VPS35L: variants seen among roughly 807,000 people sequenced by gnomAD.
VPS35L encodes the protein VPS35 endosomal protein-sorting factor-like.
In VPS35L, 83 loss-of-function variants were observed where a neutral mutation model predicts 133.0. That is an observed-to-expected ratio of 0.62 (90% CI 0.52 to 0.75). The LOEUF is 0.75. VPS35L is among the 30% of genes least tolerant of loss of function. The pLI is 0.00. For synonymous variants in VPS35L, 423 were observed against 449.9 expected (o/e 0.94, Z 0.76); for missense variants, 1,083 against 1,206.8 (o/e 0.90, Z 1.52).
At chr16:19,608,590 G>A (rs1302775540) in intron 10 of VPS35L, 1 of 387,456 alleles carries the variant, frequency 2.6e-6, no homozygotes, top group Non-Finnish European at 4.6e-6. Flanking sequence ...CCAAGAACTT[G>A]AAAGAACAGG....
At chr16:19,627,917 A>G in intron 16 of VPS35L, 112 bp downstream of exon 16, 2 of 830,186 alleles carry the variant, frequency 2.4e-6, no homozygotes, top group Non-Finnish European at 4.0e-6. Context: ...AACACAGGCG[A>G]AGGCTCTGTT....
At chr16:19,652,181 G>A (rs1315060379) in intron 26 of VPS35L, 91 bp downstream of exon 26, 7 of 947,564 alleles carry the variant, frequency 7.4e-6, no homozygotes, top group Non-Finnish European at 1.2e-5. Flanking sequence ...GAGAGACAAA[G>A]ATTTCTTTTT....
Position 19,652,095 on chromosome 16 carries a change from G to C in VPS35L, c.2221+5G>C. The C allele has an allele frequency of 6.4e-7, 1 of 1,556,832 alleles. No individual in the cohort carries two copies. Among genetic ancestry groups the C allele is most frequent in the Non-Finnish European group, 8.8e-7 (1 of 1,134,836 alleles). On this transcript the variant is annotated splice_donor_5th_base_variant and intron_variant, in intron 26 of 30. Coordinates refer to ENST00000417362, the MANE Select transcript of VPS35L (RefSeq NM_020314.7). ...CCAACCAGTGCCTCTCCCAAGGTAA[G>C]TCCATCATTCTCTCATCTCGGGCAC...
At chr16:19,578,523 AG>A (rs1184928098) in intron 5 of VPS35L, among the ~76,000 whole-genome samples, 2 of 152,210 alleles carry the variant, frequency 1.3e-5, no homozygotes, top group Non-Finnish European at 2.9e-5. Flanking sequence ...TCCCTCCACC[AG>A]TCCCTGCTGA....
chr16:19,693,424 T>G (rs1975773035), intron 29 of VPS35L, among the ~76,000 whole-genome samples: 1 of 152,072 alleles, frequency 6.6e-6, no homozygotes, highest in African/African-American at 2.4e-5. Context: ...GAGGATTAGT[T>G]GAGCCTAGGA....
intron 2 of VPS35L, among the ~76,000 whole-genome samples, 160 bp downstream of exon 2, chr16:19,565,110 G>A (rs1309609222): frequency 6.6e-6 from 1 of 151,270 alleles, no homozygotes; most frequent in Non-Finnish European, 1.5e-5. Flanking sequence ...CTGGAGTGCA[G>A]TGGTGGCTCA....
intron 14 of VPS35L, among the ~76,000 whole-genome samples, chr16:19,619,336 A>G (rs1405284218): frequency 6.6e-6 from 1 of 152,160 alleles, no homozygotes; most frequent in African/African-American, 2.4e-5. Flanking sequence ...CTTGTACTTC[A>G]GGTGAATAGT....
At chr16:19,635,311 G>A (rs1567443047) in intron 19 of VPS35L, among the ~76,000 whole-genome samples, 1 of 152,080 alleles carries the variant, frequency 6.6e-6, no homozygotes, top group Non-Finnish European at 1.5e-5. Context: ...TAGCACCACT[G>A]CACTCCAACC....
chr16:19,645,065 TAAAATG>T, intron 23 of VPS35L, 116 bp downstream of exon 23: 1 of 620,614 alleles, frequency 1.6e-6, no homozygotes. Context: ...CTTAGTGAGA[TAAAATG>T]AAATTAGAAA....
chr16:19,609,270 A>G (rs1028485924), intron 11 of VPS35L, among the ~76,000 whole-genome samples: 1 of 152,244 alleles, frequency 6.6e-6, no homozygotes, highest in African/African-American at 2.4e-5. Flanking sequence ...ATGGAAGATC[A>G]GCTCAACTGG....
chr16:19,575,294 A>G (rs1804134527), intron 5 of VPS35L, among the ~76,000 whole-genome samples, 172 bp downstream of exon 5: 1 of 152,210 alleles, frequency 6.6e-6, no homozygotes. Context: ...TAGAGCATGA[A>G]TTAAAAAAAT....
intron 27 of VPS35L, among the ~76,000 whole-genome samples, chr16:19,674,696 C>T (rs1009359728): frequency 6.6e-6 from 1 of 152,028 alleles, no homozygotes; most frequent in African/African-American, 2.4e-5. Context: ...TGAAACTGTC[C>T]ATTGGTTAGT....
chr16:19,568,436 C>T (rs548795872), intron 2 of VPS35L, among the ~76,000 whole-genome samples: 8 of 150,098 alleles, frequency 5.3e-5, no homozygotes, highest in Middle Eastern at 3.5e-3. Flanking sequence ...GGCATCGTTG[C>T]ATAGGCATGA....
intron 1 of VPS35L, among the ~76,000 whole-genome samples, chr16:19,556,951 C>A (rs976067848): frequency 6.6e-6 from 1 of 152,010 alleles, no homozygotes; most frequent in Admixed American, 6.6e-5. Context: ...ATGGCGAAAC[C>A]TAATCTCTAC....
At chr16:19,623,090 A>C in intron 14 of VPS35L, among the ~76,000 whole-genome samples, 1 of 152,002 alleles carries the variant, frequency 6.6e-6, no homozygotes, top group South Asian at 2.1e-4. Context: ...CTTTCTCCAA[A>C]TCCCCCCGAA....
intron 29 of VPS35L, among the ~76,000 whole-genome samples, chr16:19,693,644 T>C (rs1975785044): frequency 1.3e-5 from 2 of 150,940 alleles, no homozygotes; most frequent in African/African-American, 2.4e-5. Flanking sequence ...ATTAGTTGGG[T>C]GTGGTGGTGT....
chr16:19,590,292 A>C (rs1014077753), intron 7 of VPS35L, among the ~76,000 whole-genome samples: 1 of 152,164 alleles, frequency 6.6e-6, no homozygotes, highest in Non-Finnish European at 1.5e-5. Context: ...CTGAAAACAC[A>C]TGTCAACCTA....
chr16:19,650,357 A>G (rs752954703), intron 24 of VPS35L, 25 bp from the exon 25 acceptor site: 59 of 1,573,112 alleles, frequency 3.8e-5, no homozygotes, highest in Middle Eastern at 1.7e-4. Context: ...CTTCATTACC[A>G]TTTCTATTTT....
Position 19,683,442 on chromosome 16 carries a change from C to A in VPS35L, c.2527+1052C>A, listed in dbSNP as rs749084448. On this transcript the variant is annotated intron_variant, in intron 28 of 30. Coordinates refer to ENST00000417362, the MANE Select transcript of VPS35L (RefSeq NM_020314.7). The stretch of plus-strand genomic sequence containing the variant: ...CAATAGGTAGTTTTTCAGCCCTTGT[C>A]CCCTCCCCTTCCTCCCCACTCTAGT... 6.7e-4 allele frequency among the ~76,000 whole-genome samples: 102 copies of A among 152,290 alleles called. 1 individual carries two copies. The highest frequency in any genetic ancestry group is 3.4e-3 in the Middle Eastern group (1 of 294).
Sources: allele counts gnomAD v4.1 joint callset (sites outside exome capture counted in the v4.1 genomes callset), GRCh38; gene constraint gnomAD v4.1.1; transcripts MANE v1.5; gene names NCBI Gene and HGNC (gene_info 2026-07-23, HGNC 2026-07-21).